Variants in SDK1 observed in about 807,000 individuals in gnomAD.
SDK1 encodes the protein sidekick cell adhesion molecule 1, also known as protein sidekick-1.
A neutral mutation model predicts 245.5 loss-of-function variants in SDK1; 157 were observed. That is an observed-to-expected ratio of 0.64 (90% confidence interval 0.56 to 0.73). The LOEUF (loss-of-function observed/expected upper bound fraction) is 0.73, where lower values mean the gene tolerates loss of function less well. Among genes scored for constraint, SDK1 ranks in the 30% least tolerant of loss-of-function variants. SDK1 has a pLI of 0.00. For synonymous variants in SDK1, 1,647 were observed against 1,278.5 expected (o/e 1.29, Z -6.15); for missense variants, 3,583 against 3,002.3 (o/e 1.19, Z -4.52).
intron 4 of SDK1, among the ~76,000 whole-genome samples, chr7:3,793,408 C>T (rs888528461): frequency 2.0e-5 from 3 of 152,072 alleles, no homozygotes; most frequent in Admixed American, 6.6e-5. Context: ...ACAAGAAAAT[C>T]CTGCCCAGCG....
At chr7:3,631,906 C>T (rs1458461614) in intron 2 of SDK1, among the ~76,000 whole-genome samples, 1 of 152,116 alleles carries the variant, frequency 6.6e-6, no homozygotes, top group Non-Finnish European at 1.5e-5. Context: ...TTTTAATTTG[C>T]TTATGCTTAT....
chr7:3,354,148 G>A (rs949172017), intron 1 of SDK1, among the ~76,000 whole-genome samples: 13 of 151,882 alleles, frequency 8.6e-5, no homozygotes, highest in Admixed American at 2.6e-4. Flanking sequence ...GCAGGCACCC[G>A]CCACCACACC....
intron 5 of SDK1, among the ~76,000 whole-genome samples, chr7:3,859,154 GC>G (rs1780622692): frequency 6.6e-6 from 1 of 152,090 alleles, no homozygotes; most frequent in Non-Finnish European, 1.5e-5. Flanking sequence ...GAGCCACCAA[GC>G]CCGGCCCATA....
intron 1 of SDK1, among the ~76,000 whole-genome samples, chr7:3,613,520 G>C (rs1781670253): frequency 6.6e-6 from 1 of 152,014 alleles, no homozygotes; most frequent in Admixed American, 6.6e-5. Context: ...TTTTGGTTTT[G>C]ATTTGCATTT....
chr7:3,857,383 C>T (rs1040747173), intron 5 of SDK1, among the ~76,000 whole-genome samples: 1 of 152,040 alleles, frequency 6.6e-6, no homozygotes, highest in South Asian at 2.1e-4. Context: ...TGATTACTTG[C>T]GTAGAAAACC....
chr7:3,505,637 T>G (rs1345047153), intron 1 of SDK1, among the ~76,000 whole-genome samples: 1 of 152,242 alleles, frequency 6.6e-6, no homozygotes, highest in East Asian at 1.9e-4. Flanking sequence ...TGGGTTTGAA[T>G]TGCATGGGTC....
chr7:3,641,496 G>A (rs1332192127), intron 3 of SDK1, among the ~76,000 whole-genome samples: 1 of 152,164 alleles, frequency 6.6e-6, no homozygotes, highest in Non-Finnish European at 1.5e-5. Flanking sequence ...GATCTGTGCA[G>A]GAGACAGTGA....
At chr7:3,693,909 C>T (rs949874598) in intron 4 of SDK1, among the ~76,000 whole-genome samples, 4 of 152,168 alleles carry the variant, frequency 2.6e-5, no homozygotes, top group Non-Finnish European at 1.5e-5. Flanking sequence ...TGACCCTGAC[C>T]TCTGCCCCAG....
At chr7:3,705,591 A>T (rs955764433) in intron 4 of SDK1, among the ~76,000 whole-genome samples, 1 of 151,926 alleles carries the variant, frequency 6.6e-6, no homozygotes, top group African/African-American at 2.4e-5. Context: ...ACTGATTGGT[A>T]TACATTGATT....
chr7:3,967,315 C>G lies in SDK1; in HGVS notation c.1430-3C>G, dbSNP rs1313274765. ...TGATCATTTCATTTACTCCTCTTCT[C>G]AGATATCGCTCCAGTGTTCACCCAG... is the stretch of plus-strand genomic sequence containing the variant. On this transcript the variant is annotated splice_polypyrimidine_tract_variant and splice_region_variant and intron_variant, in intron 9 of 44. Coordinates refer to ENST00000404826, the MANE Select transcript of SDK1 (RefSeq NM_152744.4). The G allele has an allele frequency of 6.2e-7, 1 of 1,609,336 alleles. No individual in the cohort carries two copies. Among genetic ancestry groups the G allele is most frequent in the Non-Finnish European group, 8.5e-7 (1 of 1,175,636 alleles).
At chr7:3,529,252 C>T (rs68004656) in intron 1 of SDK1, among the ~76,000 whole-genome samples, 38,908 of 152,034 alleles carry the variant, frequency 0.26, 5,149 homozygotes, top group East Asian at 0.33. Flanking sequence ...AGCAGTCAAT[C>T]ACTTATCAGC....
At chr7:3,415,416 G>A (rs1296543226) in intron 1 of SDK1, among the ~76,000 whole-genome samples, 1 of 151,974 alleles carries the variant, frequency 6.6e-6, no homozygotes, top group African/African-American at 2.4e-5. Context: ...CTCAACAGAG[G>A]TAGATAAAAA....
intron 1 of SDK1, among the ~76,000 whole-genome samples, chr7:3,453,015 C>G (rs1780563216): frequency 6.6e-6 from 1 of 152,176 alleles, no homozygotes; most frequent in African/African-American, 2.4e-5. Flanking sequence ...CACTGCCATC[C>G]CCGTCTTGCC....
At chr7:3,746,810 C>G (rs1358613971) in intron 4 of SDK1, among the ~76,000 whole-genome samples, 1 of 152,156 alleles carries the variant, frequency 6.6e-6, no homozygotes, top group East Asian at 1.9e-4. Flanking sequence ...TCAAACTCAC[C>G]CATGAGGGGT....
At chr7:3,489,906 T>C (rs1328686085) in intron 1 of SDK1, among the ~76,000 whole-genome samples, 1 of 152,212 alleles carries the variant, frequency 6.6e-6, no homozygotes, top group African/African-American at 2.4e-5. Context: ...AGTCCTGTCA[T>C]GGAGAAATGA....
chr7:3,359,608 C>A (rs1780898493), intron 1 of SDK1, among the ~76,000 whole-genome samples: 1 of 152,150 alleles, frequency 6.6e-6, no homozygotes, highest in African/African-American at 2.4e-5. Context: ...AAGTGTCTGT[C>A]CACACCACAG....
At chr7:3,513,736 C>T (rs970083703) in intron 1 of SDK1, among the ~76,000 whole-genome samples, 13 of 152,106 alleles carry the variant, frequency 8.5e-5, no homozygotes, top group Non-Finnish European at 1.6e-4. Flanking sequence ...GCCCATCACC[C>T]AGGTAGTGAG....
In SDK1 at chr7:3,868,380, A is replaced by G. The variant is rs73312035; in HGVS notation, c.847+46797A>G. Reference sequence around the variant, plus strand: ...GGACCCTTGATATAATGAGGTTAAAACTGTCTGTGTGGAGGAACTATACTT... The same window carrying G: ...GGACCCTTGATATAATGAGGTTAAAGCTGTCTGTGTGGAGGAACTATACTT... On this transcript the variant is annotated intron_variant, in intron 5 of 44. Transcript: ENST00000404826. 8.1e-3 allele frequency among the ~76,000 whole-genome samples: 1,230 copies of G among 152,252 alleles called. 16 individuals carry two copies. Among genetic ancestry groups the G allele is most frequent in the African/African-American group, 0.028 (1,181 of 41,552 alleles).
intron 5 of SDK1, among the ~76,000 whole-genome samples, chr7:3,937,773 A>C (rs1343338152): frequency 1.3e-5 from 2 of 152,296 alleles, no homozygotes; most frequent in South Asian, 4.1e-4. Context: ...GATGGGCATC[A>C]GTTGCCCTGA....
Sources: gnomAD v4.1 joint callset for allele counts (sites outside exome capture counted in the v4.1 genomes callset) on GRCh38, gnomAD v4.1.1 for gene constraint, MANE v1.5 for transcripts, NCBI Gene and HGNC (gene_info 2026-07-23, HGNC 2026-07-21) for gene names.